Variants in GLRB observed in about 807,000 individuals in gnomAD.
The protein encoded by GLRB is glycine receptor subunit beta.
A neutral mutation model predicts 54.2 loss-of-function variants in GLRB; 33 were observed. The observed-to-expected ratio is 0.61, with a 90% CI of 0.46 to 0.81. The LOEUF is 0.81. GLRB is among the 40% of genes least tolerant of loss of function. The pLI, the probability that GLRB is intolerant of heterozygous loss-of-function variation, is 0.00. For missense variants in GLRB, 572 were observed against 584.6 expected (o/e 0.98, Z 0.22); for synonymous variants, 209 against 208.2 (o/e 1.00, Z -0.03).
chr4:157,077,896 A>G, intron 1 of GLRB, 100 bp from the exon 2 acceptor site: 1 of 694,000 alleles, frequency 1.4e-6, no homozygotes, highest in South Asian at 1.7e-5. Flanking sequence ...GTACAAATGT[A>G]CTTGCCCTTT....
At chr4:157,132,335 T>C (rs1387317761) in intron 4 of GLRB, among the ~76,000 whole-genome samples, 1 of 151,860 alleles carries the variant, frequency 6.6e-6, no homozygotes, top group Non-Finnish European at 1.5e-5. Context: ...CACTGTCTCT[T>C]GCTTGACCCC....
At chr4:157,090,273 CTG>C (rs1447605605) in intron 2 of GLRB, among the ~76,000 whole-genome samples, 1 of 152,096 alleles carries the variant, frequency 6.6e-6, no homozygotes, top group Non-Finnish European at 1.5e-5. Context: ...CTTAAAATAA[CTG>C]TACGGATATT....
At chr4:157,096,908 C>T (rs2126468906) in intron 2 of GLRB, among the ~76,000 whole-genome samples, 1 of 152,266 alleles carries the variant, frequency 6.6e-6, no homozygotes, top group South Asian at 2.1e-4. Flanking sequence ...TTGTAGTGTG[C>T]TTTGAGGTAA....
chr4:157,079,677 T>G (rs1341679402), intron 2 of GLRB, among the ~76,000 whole-genome samples: 1 of 152,130 alleles, frequency 6.6e-6, no homozygotes, highest in East Asian at 1.9e-4. Flanking sequence ...TGGAGGCAGG[T>G]TCAGGAATAA....
At chr4:157,100,986 G>A (rs1451919529) in intron 2 of GLRB, among the ~76,000 whole-genome samples, 2 of 152,080 alleles carry the variant, frequency 1.3e-5, no homozygotes, top group Admixed American at 1.3e-4. Flanking sequence ...AATGCCTGGT[G>A]GTAGTAGACA....
chr4:157,113,155 A>G (rs557715025), intron 2 of GLRB, among the ~76,000 whole-genome samples: 1 of 151,908 alleles, frequency 6.6e-6, no homozygotes, highest in Non-Finnish European at 1.5e-5. Flanking sequence ...AATTTTTCAT[A>G]TAGATATTTT....
chr4:157,144,027 T>G, intron 8 of GLRB, 68 bp downstream of exon 8: 1 of 1,433,892 alleles, frequency 7.0e-7, no homozygotes, highest in Non-Finnish European at 9.8e-7. Flanking sequence ...TACCATATAA[T>G]CAACTACTTT....
chr4:157,155,726 G>T (rs181619015), intron 9 of GLRB, among the ~76,000 whole-genome samples: 132 of 152,194 alleles, frequency 8.7e-4, no homozygotes, highest in Non-Finnish European at 1.4e-3. Flanking sequence ...TGGTCTTTTG[G>T]TCGAGTAGTG....
At chr4:157,130,859 A>G (rs1400019320) in intron 4 of GLRB, among the ~76,000 whole-genome samples, 5 of 151,712 alleles carry the variant, frequency 3.3e-5, no homozygotes, top group African/African-American at 4.8e-5. Flanking sequence ...CTTATAGTGA[A>G]GACATATCAA....
In GLRB at chr4:157,136,546, A is replaced by G. The variant is rs765090229; in HGVS notation, c.375A>G (p.Ser125=). Residue 125 remains serine, a synonymous_variant, in exon 5 of 10, where the codon TCA becomes TCG. Transcript: ENST00000264428. ...AGCTCCCCAGTGATTTTAGGGGTTC[A>G]GATGCACTGACAGTGGATCCAACAA... ...RLKLPSDFRG[S]DALTVDPTMY... 1.2e-6 allele frequency: 2 copies of G among 1,612,382 alleles called. No individual in the cohort carries two copies. The highest frequency in any genetic ancestry group is 2.2e-5 in the South Asian group (2 of 91,062).
intron 2 of GLRB, among the ~76,000 whole-genome samples, chr4:157,080,400 GTC>G (rs1734182533): frequency 6.6e-6 from 1 of 152,160 alleles, no homozygotes. Context: ...GCTGCTGGAA[GTC>G]TGGCTTGTTA....
At chr4:157,136,236 G>A (rs1228409854) in intron 4 of GLRB, 1 of 508,966 alleles carries the variant, frequency 2.0e-6, no homozygotes, top group East Asian at 3.3e-5. Flanking sequence ...TCTGATGTTT[G>A]AGCTAGCAAG....
At chr4:157,079,761 G>A (rs921490754) in intron 2 of GLRB, among the ~76,000 whole-genome samples, 4 of 152,116 alleles carry the variant, frequency 2.6e-5, no homozygotes, top group Non-Finnish European at 4.4e-5. Flanking sequence ...GCATTTTAGG[G>A]AACTGGACAT....
chr4:157,126,047 A>G (rs1391637479), intron 4 of GLRB, among the ~76,000 whole-genome samples: 1 of 151,918 alleles, frequency 6.6e-6, no homozygotes, highest in Non-Finnish European at 1.5e-5. Flanking sequence ...ATATAACATG[A>G]ATAGCCACGA....
At chr4:157,161,731 T>C (rs1737502374) in intron 9 of GLRB, among the ~76,000 whole-genome samples, 1 of 152,222 alleles carries the variant, frequency 6.6e-6, no homozygotes, top group Non-Finnish European at 1.5e-5. Context: ...CCTTTGTGGG[T>C]AATCTGACCT....
chr4:157,134,470 A>G (rs1199425998), intron 4 of GLRB, among the ~76,000 whole-genome samples: 2 of 152,058 alleles, frequency 1.3e-5, no homozygotes, highest in Admixed American at 1.3e-4. Context: ...AACCTGGGCA[A>G]CAGAGCAAGA....
intron 2 of GLRB, among the ~76,000 whole-genome samples, chr4:157,116,051 G>A (rs1206315217): frequency 3.3e-5 from 5 of 151,636 alleles, no homozygotes; most frequent in African/African-American, 1.2e-4. Flanking sequence ...GAAGGGTCAT[G>A]TAAAAAAAAA....
At chr4:157,152,009 A>G (rs1367871275) in intron 8 of GLRB, among the ~76,000 whole-genome samples, 1 of 152,196 alleles carries the variant, frequency 6.6e-6, no homozygotes, top group Non-Finnish European at 1.5e-5. Flanking sequence ...GGAAAAAGAG[A>G]GAGGAATGGC....
At chr4:157,076,951 T>C (rs1250108641) in intron 1 of GLRB, among the ~76,000 whole-genome samples, 1 of 99,692 alleles carries the variant, frequency 1.0e-5, no homozygotes, top group Non-Finnish European at 1.8e-5. Context: ...GTGTAAAAGA[T>C]AAATATGGGG....
Sources: gnomAD v4.1 joint callset for allele counts (sites outside exome capture counted in the v4.1 genomes callset) on GRCh38, gnomAD v4.1.1 for gene constraint, MANE v1.5 for transcripts, NCBI Gene and HGNC (gene_info 2026-07-23, HGNC 2026-07-21) for gene names.